Variants in LRRC37A2 observed in about 807,000 individuals in gnomAD.
The protein encoded by LRRC37A2 is leucine rich repeat containing 37 member A2, also known as leucine-rich repeat-containing protein 37A2.
Under a neutral mutation model 68.8 loss-of-function variants are expected in LRRC37A2, and 9 were observed. That is an observed-to-expected ratio of 0.13 (90% CI 0.08 to 0.23). LRRC37A2 has a LOEUF of 0.23. LRRC37A2 is among the 10% of genes least tolerant of loss of function. LRRC37A2 has a pLI of 1.00. For synonymous variants in LRRC37A2, 63 were observed against 367.6 expected, an observed-to-expected ratio of 0.17 and a Z score of 9.48; for missense variants, 168 against 950.4, an observed-to-expected ratio of 0.18 and a Z score of 10.82.
the LRRC37A2 span, chr17:46,935,608 A>T: frequency 9.4e-7 from 1 of 1,063,152 alleles, no homozygotes; most frequent in Non-Finnish European, 1.1e-6. Context: ...TATTTTAGTA[A>T]CTGAATCCCC....
the LRRC37A2 span, among the ~76,000 whole-genome samples, chr17:46,815,579 G>T: frequency 6.6e-6 from 1 of 152,062 alleles, no homozygotes; most frequent in Admixed American, 6.5e-5. Context: ...GGGCAGAAAT[G>T]GGATCAGGAA....
chr17:46,900,162 CATATACAT>C, the LRRC37A2 span, among the ~76,000 whole-genome samples: 7,868 of 100,518 alleles, frequency 0.078, 273 homozygotes, highest in Non-Finnish European at 0.092. Context: ...TATATATATA[CATATACAT>C]ATATATATAT....
At chr17:46,987,893 C>T in the LRRC37A2 span, among the ~76,000 whole-genome samples, 23 of 152,300 alleles carry the variant, frequency 1.5e-4, no homozygotes, top group South Asian at 1.9e-3. Context: ...ACGTTAAGTC[C>T]GGGTGCTGTG....
chr17:46,887,648 C>G, the LRRC37A2 span, among the ~76,000 whole-genome samples: 17 of 152,174 alleles, frequency 1.1e-4, no homozygotes, highest in African/African-American at 4.1e-4. Context: ...CCTGTAACAC[C>G]AGACACTTGG....
At chr17:46,979,490 T>A in the LRRC37A2 span, among the ~76,000 whole-genome samples, 1 of 152,160 alleles carries the variant, frequency 6.6e-6, no homozygotes, top group South Asian at 2.1e-4. Context: ...CTAGAAAACC[T>A]CTCCAAGGTG....
chr17:46,859,510 T>C, the LRRC37A2 span, among the ~76,000 whole-genome samples: 7 of 152,346 alleles, frequency 4.6e-5, no homozygotes, highest in South Asian at 1.4e-3. Context: ...TGCCTATCCT[T>C]ATGCCAATAC....
At chr17:47,023,776 G>A in the LRRC37A2 span, among the ~76,000 whole-genome samples, 1 of 151,988 alleles carries the variant, frequency 6.6e-6, no homozygotes, top group Non-Finnish European at 1.5e-5. Flanking sequence ...TGTATTTTTA[G>A]TAGAGACAGG....
chr17:46,497,409 A>AT, the LRRC37A2 span, among the ~76,000 whole-genome samples: 1 of 146,156 alleles, frequency 6.8e-6, no homozygotes, highest in Non-Finnish European at 1.5e-5. Flanking sequence ...GATTAACTGA[A>AT]TATTTTTTAG....
the LRRC37A2 span, among the ~76,000 whole-genome samples, chr17:46,595,492 C>CTT: frequency 4.3e-4 from 41 of 96,056 alleles, no homozygotes; most frequent in Admixed American, 1.5e-3. Flanking sequence ...ATCACTGGAT[C>CTT]TTTTTTTTTT....
the LRRC37A2 span, chr17:46,693,034 T>C: frequency 2.5e-6 from 4 of 1,611,714 alleles, no homozygotes; most frequent in Non-Finnish European, 2.5e-6. Flanking sequence ...CCAAAATTGA[T>C]GGCGTGGAGC....
the LRRC37A2 span, among the ~76,000 whole-genome samples, chr17:46,726,086 T>C: frequency 6.6e-6 from 1 of 152,242 alleles, no homozygotes; most frequent in Non-Finnish European, 1.5e-5. Context: ...TGTAAGCTCT[T>C]TTACCATTAT....
chr17:46,849,574 C>G, the LRRC37A2 span, among the ~76,000 whole-genome samples: 3 of 152,216 alleles, frequency 2.0e-5, no homozygotes, highest in Non-Finnish European at 2.9e-5. Flanking sequence ...GGTTCAAAAT[C>G]TTACCAGTGA....
At chr17:46,793,269 G>T in the LRRC37A2 span, among the ~76,000 whole-genome samples, 1 of 40,916 alleles carries the variant, frequency 2.4e-5, no homozygotes, top group Non-Finnish European at 5.0e-5. Context: ...GTGAGACCCT[G>T]TCTAAAAAAA....
At chr17:46,832,114 G>A in the LRRC37A2 span, among the ~76,000 whole-genome samples, 2 of 152,230 alleles carry the variant, frequency 1.3e-5, no homozygotes, top group East Asian at 3.9e-4. Context: ...AAGAGACCGA[G>A]ACCCTGAAAG....
chr17:46,781,767 GCCTT>G, the LRRC37A2 span, among the ~76,000 whole-genome samples: 1 of 152,172 alleles, frequency 6.6e-6, no homozygotes, highest in Non-Finnish European at 1.5e-5. Context: ...TGCATCCCCA[GCCTT>G]CAACTTCGCA....
At chr17:47,014,867 T>C in the LRRC37A2 span, among the ~76,000 whole-genome samples, 6 of 152,104 alleles carry the variant, frequency 3.9e-5, no homozygotes, top group African/African-American at 1.4e-4. Context: ...GGGTGGAATA[T>C]TTTGCCGAAG....
At chr17:46,916,088 T>G in the LRRC37A2 span, among the ~76,000 whole-genome samples, 5 of 152,136 alleles carry the variant, frequency 3.3e-5, no homozygotes, top group Non-Finnish European at 5.9e-5. Context: ...GTACCCCACC[T>G]CCAGCTGGTA....
the LRRC37A2 span, among the ~76,000 whole-genome samples, chr17:46,821,929 T>A: frequency 6.6e-6 from 1 of 152,198 alleles, no homozygotes; most frequent in South Asian, 2.1e-4. Context: ...GGGCTACCCG[T>A]CTGTCGCGGG....
the LRRC37A2 span, among the ~76,000 whole-genome samples, chr17:46,982,647 C>T: frequency 2.6e-5 from 4 of 152,180 alleles, no homozygotes; most frequent in East Asian, 1.9e-4. Flanking sequence ...TCCAAAGCCA[C>T]GCTCTTCATT....
Sources: gnomAD v4.1 joint callset for allele counts (sites outside exome capture counted in the v4.1 genomes callset) on GRCh38, gnomAD v4.1.1 for gene constraint, MANE v1.5 for transcripts, NCBI Gene and HGNC (gene_info 2026-07-23, HGNC 2026-07-21) for gene names.